DNAH11: variants seen among roughly 807,000 people sequenced by gnomAD.
The protein encoded by DNAH11 is axonemal beta dynein heavy chain 11.
In DNAH11, 442 loss-of-function variants were observed where a neutral mutation model predicts 526.0. That is an observed-to-expected ratio of 0.84 (90% confidence interval 0.78 to 0.91). The LOEUF (loss-of-function observed/expected upper bound fraction) is 0.91. Ranked by LOEUF, DNAH11 falls within the 40% of genes least tolerant of loss-of-function variation. The pLI is 0.00. For missense variants in DNAH11, 6,989 were observed against 5,448.7 expected, an observed-to-expected ratio of 1.28 and a Z score of -8.90; for synonymous variants, 2,461 against 1,935.9, an observed-to-expected ratio of 1.27 and a Z score of -7.12.
At chr7:21,802,736 TATC>T (rs1239042135) in intron 62 of DNAH11, among the ~76,000 whole-genome samples, 22 of 151,944 alleles carry the variant, frequency 1.4e-4, no homozygotes, top group African/African-American at 4.8e-4. Context: ...TGGTATGTGA[TATC>T]ATGTGATACA....
At chr7:21,604,859 A>G (rs549460627) in intron 18 of DNAH11, among the ~76,000 whole-genome samples, 26 of 152,298 alleles carry the variant, frequency 1.7e-4, no homozygotes, top group African/African-American at 5.5e-4. Flanking sequence ...TTGGAAATGC[A>G]AAGTGAGACT....
At position 21,866,341 on chromosome 7, in the gene DNAH11, T is replaced by C. The variant is rs1043716520; in HGVS notation, c.11497-129T>C. The C allele has an allele frequency of 1.7e-5, 11 of 658,910 alleles. No individual in the cohort carries two copies. The Admixed American group carries it at 4.5e-4, about 27-fold the overall frequency. The allele number at this position is 658,910 out of a possible 1,614,324, so 40.8% of individuals were successfully genotyped here. ...AGAGCAAAAAAAAAAAAAAAGGAAA[T>C]CTGAAGAGGAGAGTGAATACTATCC... On this transcript the variant is annotated intron_variant, in intron 70 of 81. Coordinates refer to ENST00000409508, the MANE Select transcript of DNAH11 (RefSeq NM_001277115.2).
chr7:21,672,017 C>G (rs1350236105), intron 30 of DNAH11, among the ~76,000 whole-genome samples: 1 of 152,168 alleles, frequency 6.6e-6, no homozygotes, highest in East Asian at 1.9e-4. Context: ...AACCCATGTT[C>G]TGATAGTTTT....
chr7:21,604,628 A>G (rs541071001), intron 18 of DNAH11, among the ~76,000 whole-genome samples: 3 of 152,288 alleles, frequency 2.0e-5, no homozygotes, highest in African/African-American at 4.8e-5. Flanking sequence ...TGAGTGGATC[A>G]TCTGACTTTG....
At chr7:21,553,468 C>T (rs553797330) in intron 2 of DNAH11, among the ~76,000 whole-genome samples, 1 of 152,174 alleles carries the variant, frequency 6.6e-6, no homozygotes, top group Non-Finnish European at 1.5e-5. Context: ...GAGGGATCCA[C>T]ACCAGTATCA....
chr7:21,592,810 C>G (rs539357736), intron 14 of DNAH11, among the ~76,000 whole-genome samples: 6 of 152,010 alleles, frequency 3.9e-5, no homozygotes, highest in Non-Finnish European at 8.8e-5. Context: ...GGTTTTTGGT[C>G]TGAGTGATTG....
chr7:21,613,113 AAAAT>A (rs1204039877), intron 20 of DNAH11, among the ~76,000 whole-genome samples: 1 of 152,090 alleles, frequency 6.6e-6, no homozygotes, highest in Non-Finnish European at 1.5e-5. Context: ...GAAGTAAAAA[AAAAT>A]AGTGTGTATT....
Position 21,790,585 on chromosome 7 carries a change from C to T in DNAH11, c.10026+1243C>T, listed in dbSNP as rs75124169. On this transcript the variant is annotated intron_variant, in intron 61 of 81. Transcript: ENST00000409508. ...TATATATGTGGCTATATACAGAAAACACCATGAAATACCGAGCCCGAAGAA... is the reference window on the plus strand; with the variant it reads ...TATATATGTGGCTATATACAGAAAATACCATGAAATACCGAGCCCGAAGAA... Among the ~76,000 whole-genome samples the T allele has an allele frequency of 8.0e-3, 1,214 of 152,226 alleles. 16 individuals are homozygous for T. The highest frequency in any genetic ancestry group is 0.027 in the African/African-American group (1,137 of 41,524).
At chr7:21,819,651 A>G (rs575233137) in intron 65 of DNAH11, among the ~76,000 whole-genome samples, 2 of 152,288 alleles carry the variant, frequency 1.3e-5, no homozygotes, top group African/African-American at 4.8e-5. Context: ...CAATAGCACA[A>G]TTTAGGTGTA....
At position 21,601,570 on chromosome 7, in the gene DNAH11, G is replaced by A. The variant is rs368872150; in HGVS notation, c.3600G>A (p.Leu1200=). 10 of 1,608,218 alleles carry A rather than the reference G, an allele frequency of 6.2e-6. No individual in the cohort carries two copies. The African/African-American group carries it at 1.2e-4, about 19-fold the overall frequency. ...CTCTAAAAGAAACGATCACCCTCTT[G>A]GAAAGCTATGGCCAGAAGATGCCTG... ...FEPLKETITL[L]ESYGQKMPEQ... Residue 1200 remains leucine, a synonymous_variant, in exon 18 of 82, where the codon TTG becomes TTA. Coordinates refer to ENST00000409508, the MANE Select transcript of DNAH11 (RefSeq NM_001277115.2).
intron 45 of DNAH11, among the ~76,000 whole-genome samples, chr7:21,727,861 G>C (rs2128486346): frequency 6.6e-6 from 1 of 152,298 alleles, no homozygotes; most frequent in East Asian, 1.9e-4. Context: ...CCAAGATGGA[G>C]ACACTGAGGG....
At chr7:21,838,295 G>A (rs1399346056) in intron 65 of DNAH11, among the ~76,000 whole-genome samples, 1 of 152,190 alleles carries the variant, frequency 6.6e-6, no homozygotes, top group Non-Finnish European at 1.5e-5. Context: ...AACTGTATTA[G>A]CATGGTAACT....
rs1200158194 is a variant in DNAH11, at chr7:21,683,749, G to A, written c.5461-35G>A. On this transcript the variant is annotated intron_variant, in intron 31 of 81. Coordinates refer to ENST00000409508, the MANE Select transcript of DNAH11 (RefSeq NM_001277115.2). ...AATAACTTGTTGCCCCAAACTACCA[G>A]TGTCCTGCGTATGATGATTATGCAA... The A allele has an allele frequency of 8.0e-6, 12 of 1,507,742 alleles. No individual in the cohort carries two copies. The African/African-American group carries it at 8.3e-5, about 10-fold the overall frequency. The allele number at this position is 1,507,742 out of a possible 1,614,324, so 93.4% of individuals were successfully genotyped here.
intron 67 of DNAH11, among the ~76,000 whole-genome samples, chr7:21,853,498 C>G (rs1352891111): frequency 1.3e-5 from 2 of 152,182 alleles, no homozygotes; most frequent in East Asian, 3.8e-4. Context: ...TTCTAATTGT[C>G]TCTTAAAATG....
intron 45 of DNAH11, among the ~76,000 whole-genome samples, chr7:21,734,013 C>T (rs965387315): frequency 2.6e-5 from 4 of 152,044 alleles, no homozygotes; most frequent in East Asian, 1.9e-4. Context: ...AACAAGAGTT[C>T]GTCACACTAA....
chr7:21,609,984 G>T (rs1190063073), intron 20 of DNAH11, among the ~76,000 whole-genome samples: 1 of 152,204 alleles, frequency 6.6e-6, no homozygotes, highest in Non-Finnish European at 1.5e-5. Flanking sequence ...GCCGGGCGCG[G>T]TGGCTCACGC....
Position 21,901,152 on chromosome 7 carries a change from C to T in DNAH11, c.13449C>T (p.Thr4483=). 6.2e-7 allele frequency: 1 copy of T among 1,612,924 alleles called. No homozygotes were observed. The highest frequency in any genetic ancestry group is 8.5e-7 in the Non-Finnish European group (1 of 1,179,094). ...CCTACGAGTGCCCTGTGTATAGAAC[C>T]AAACTGAGAGGCCCCAGCTACATCT... The part of the protein sequence containing the change: ...KQTYECPVYR[T]KLRGPSYIWT... Residue 4483 remains threonine, a synonymous_variant, in exon 82 of 82, where the codon ACC becomes ACT. Transcript: ENST00000409508.
chr7:21,575,333 T>C (rs950582820), intron 8 of DNAH11, among the ~76,000 whole-genome samples: 1 of 152,198 alleles, frequency 6.6e-6, no homozygotes, highest in Admixed American at 6.5e-5. Context: ...TTCTGCTGAT[T>C]TTCAGTGGGA....
In DNAH11 at chr7:21,591,277, G is replaced by A. The variant is rs779115290; in HGVS notation, c.2367G>A (p.Leu789=). The A allele has an allele frequency of 4.9e-5, 79 of 1,612,894 alleles. No homozygotes were observed. Among genetic ancestry groups the A allele is most frequent in the East Asian group, 1.8e-4 (8 of 44,868 alleles). Residue 789 remains leucine, a synonymous_variant, in exon 14 of 82, where the codon CTG becomes CTA. Coordinates refer to ENST00000409508, the MANE Select transcript of DNAH11 (RefSeq NM_001277115.2). ...AATACCCTCTGATTGAAGATGAGCT[G>A]AGGGCTATTGACGAGCAGCTGACAG... ...EVEYPLIEDE[L]RAIDEQLTAA...
Sources: allele counts gnomAD v4.1 joint callset (sites outside exome capture counted in the v4.1 genomes callset), GRCh38; gene constraint gnomAD v4.1.1; transcripts MANE v1.5; gene names NCBI Gene and HGNC (gene_info 2026-07-23, HGNC 2026-07-21).